DOCK3: variants seen among roughly 807,000 people sequenced by gnomAD.
The protein encoded by DOCK3 is dedicator of cytokinesis 3, also known as dedicator of cytokinesis protein 3.
Under a neutral mutation model 265.6 loss-of-function variants are expected in DOCK3, and 60 were observed. That is an observed-to-expected ratio of 0.23 (90% CI 0.18 to 0.28). The LOEUF (loss-of-function observed/expected upper bound fraction) is 0.28, where lower values mean the gene tolerates loss of function less well. DOCK3 is among the 10% of genes least tolerant of loss of function. The pLI, the probability that DOCK3 is intolerant of heterozygous loss-of-function variation, is 1.00. For missense variants in DOCK3, 1,981 were observed against 2,594.3 expected (o/e 0.76, Z 5.14); for synonymous variants, 881 against 938.0 (o/e 0.94, Z 1.11).
intron 1 of DOCK3, among the ~76,000 whole-genome samples, chr3:50,747,985 T>C (rs2039561432): frequency 6.6e-6 from 1 of 152,240 alleles, no homozygotes; most frequent in Admixed American, 6.5e-5. Flanking sequence ...TCTCTTATTC[T>C]AGTAACTGTT....
chr3:50,753,433 T>C (rs1269670979), intron 1 of DOCK3, among the ~76,000 whole-genome samples: 1 of 152,184 alleles, frequency 6.6e-6, no homozygotes, highest in Non-Finnish European at 1.5e-5. Context: ...GCCTTAATCT[T>C]CTGGGCTCAA....
intron 9 of DOCK3, among the ~76,000 whole-genome samples, chr3:51,135,847 G>A (rs2084769714): frequency 6.6e-6 from 1 of 151,918 alleles, no homozygotes; most frequent in Non-Finnish European, 1.5e-5. Context: ...AGTCGCCAGG[G>A]CTGTAAATGT....
At chr3:51,308,390 A>G (rs909695897) in intron 27 of DOCK3, among the ~76,000 whole-genome samples, 8 of 151,578 alleles carry the variant, frequency 5.3e-5, no homozygotes, top group African/African-American at 1.7e-4. Context: ...TGTGTCCCTG[A>G]GTACTTGAGA....
At chr3:51,113,381 G>C (rs184716171) in intron 9 of DOCK3, among the ~76,000 whole-genome samples, 2 of 152,168 alleles carry the variant, frequency 1.3e-5, no homozygotes, top group East Asian at 3.9e-4. Context: ...TTCCCCTTCA[G>C]TTGCCAAACT....
At chr3:50,776,956 A>G (rs932462332) in intron 1 of DOCK3, among the ~76,000 whole-genome samples, 1 of 152,226 alleles carries the variant, frequency 6.6e-6, no homozygotes, top group African/African-American at 2.4e-5. Context: ...ATAGTGGAAG[A>G]TAAAAGGCAC....
intron 12 of DOCK3, among the ~76,000 whole-genome samples, chr3:51,178,053 G>A (rs369014379): frequency 5.4e-4 from 72 of 134,182 alleles, no homozygotes; most frequent in African/African-American, 1.9e-3. Flanking sequence ...TCTCAAAATA[G>A]TCAACAAACA....
intron 2 of DOCK3, among the ~76,000 whole-genome samples, chr3:50,822,468 A>G (rs2044498652): frequency 6.6e-6 from 1 of 152,186 alleles, no homozygotes; most frequent in African/African-American, 2.4e-5. Flanking sequence ...GAAATTATAC[A>G]ATAAAGATTT....
intron 23 of DOCK3, among the ~76,000 whole-genome samples, chr3:51,263,493 T>C (rs2079978045): frequency 6.6e-6 from 1 of 152,188 alleles, no homozygotes; most frequent in Admixed American, 6.5e-5. Context: ...TCATCGACAC[T>C]ATGAAGAAAC....
chr3:51,149,960 C>T (rs963992127), intron 10 of DOCK3, among the ~76,000 whole-genome samples: 2 of 152,190 alleles, frequency 1.3e-5, no homozygotes, highest in East Asian at 1.9e-4. Flanking sequence ...GCTGTGAACC[C>T]GTCAGTCCTG....
chr3:51,132,877 C>T (rs531637956), intron 9 of DOCK3, among the ~76,000 whole-genome samples: 17 of 152,236 alleles, frequency 1.1e-4, no homozygotes, highest in African/African-American at 3.6e-4. Context: ...GAAAGAACAC[C>T]GTCCCCATCC....
At chr3:50,910,603 C>A (rs904027532) in intron 4 of DOCK3, among the ~76,000 whole-genome samples, 3 of 152,116 alleles carry the variant, frequency 2.0e-5, no homozygotes, top group African/African-American at 7.2e-5. Flanking sequence ...GTAAGATTAC[C>A]CTCTGGCTGA....
chr3:50,997,069 CT>C (rs1481334552), intron 5 of DOCK3, among the ~76,000 whole-genome samples: 1 of 152,118 alleles, frequency 6.6e-6, no homozygotes, highest in African/African-American at 2.4e-5. Flanking sequence ...CTTCAGTGAC[CT>C]TTTGTGTTTA....
chr3:51,368,396 C>T (rs907169311), intron 49 of DOCK3, among the ~76,000 whole-genome samples: 8 of 152,190 alleles, frequency 5.3e-5, no homozygotes, highest in African/African-American at 1.9e-4. Context: ...AAGGGCTCAC[C>T]AGGAGATTAT....
rs1055003775 is a variant in DOCK3, at chr3:50,742,309, G to A, written c.38-36366G>A. ...AGCGCCTCTCCTCCTCCAAAGGAAC[G>A]CAGCTCCTCACCAGCAACGGAACAA... On this transcript the variant is annotated intron_variant, in intron 1 of 52. Transcript: ENST00000266037. Among the ~76,000 whole-genome samples, 743 of 152,320 alleles carry A rather than the reference G, an allele frequency of 4.9e-3. 4 individuals are homozygous for A. Among genetic ancestry groups the A allele is most frequent in the Non-Finnish European group, 7.7e-3 (526 of 68,034 alleles).
At chr3:50,892,648 C>T (rs2048696233) in intron 4 of DOCK3, among the ~76,000 whole-genome samples, 1 of 152,020 alleles carries the variant, frequency 6.6e-6, no homozygotes, top group South Asian at 2.1e-4. Context: ...GAGTAGCCAG[C>T]ATAATTTAAA....
chr3:50,888,767 G>T (rs1553694644), intron 3 of DOCK3, among the ~76,000 whole-genome samples: 52 of 151,554 alleles, frequency 3.4e-4, no homozygotes, highest in East Asian at 2.9e-3. Context: ...GGGAAAGGAT[G>T]CCCTATTTAA....
chr3:51,031,250 C>G (rs2080036683), intron 5 of DOCK3, among the ~76,000 whole-genome samples: 1 of 151,992 alleles, frequency 6.6e-6, no homozygotes, highest in African/African-American at 2.4e-5. Flanking sequence ...GATATCTATC[C>G]TGATCAATTT....
intron 12 of DOCK3, among the ~76,000 whole-genome samples, chr3:51,171,685 C>T (rs1300096348): frequency 6.8e-6 from 1 of 146,876 alleles, no homozygotes; most frequent in Non-Finnish European, 1.5e-5. Flanking sequence ...CACTGCACTC[C>T]AGCCTGGGCG....
At chr3:51,369,403 G>A (rs1405013384) in intron 49 of DOCK3, among the ~76,000 whole-genome samples, 1 of 152,224 alleles carries the variant, frequency 6.6e-6, no homozygotes, top group Non-Finnish European at 1.5e-5. Context: ...GCATGCACAA[G>A]CTTCAGTAGC....
Sources: allele counts gnomAD v4.1 joint callset (sites outside exome capture counted in the v4.1 genomes callset), GRCh38; gene constraint gnomAD v4.1.1; transcripts MANE v1.5; gene names NCBI Gene and HGNC (gene_info 2026-07-23, HGNC 2026-07-21).